Variants in SLC30A8 observed in about 807,000 individuals in gnomAD.
The protein encoded by SLC30A8 is proton-coupled zinc antiporter SLC30A8.
A neutral mutation model predicts 36.9 loss-of-function variants in SLC30A8; 27 were observed. The observed-to-expected ratio is 0.73, with a 90% CI of 0.54 to 1.01. SLC30A8 has a LOEUF of 1.01. SLC30A8 is among the 50% of genes least tolerant of loss of function. The probability of loss-of-function intolerance (pLI) is 0.00; values close to 1 mark genes in which losing one functional copy is unlikely to be tolerated. For synonymous variants in SLC30A8, 164 were observed against 172.4 expected (o/e 0.95, Z 0.38); for missense variants, 439 against 452.0 (o/e 0.97, Z 0.26).
intron 3 of SLC30A8, among the ~76,000 whole-genome samples, chr8:117,154,009 CT>C (rs1822338146): frequency 6.6e-6 from 1 of 152,108 alleles, no homozygotes; most frequent in Non-Finnish European, 1.5e-5. Flanking sequence ...ACATAAATAA[CT>C]TAACCAAGTA....
chr8:117,076,713 C>G (rs1818499566), intron 2 of SLC30A8, among the ~76,000 whole-genome samples: 1 of 151,916 alleles, frequency 6.6e-6, no homozygotes, highest in Non-Finnish European at 1.5e-5. Context: ...TAATCATTAC[C>G]TTATTTATCT....
intron 2 of SLC30A8, among the ~76,000 whole-genome samples, chr8:117,070,798 A>G (rs1241268728): frequency 6.6e-6 from 1 of 152,120 alleles, no homozygotes; most frequent in Non-Finnish European, 1.5e-5. Context: ...TATGAGTTCA[A>G]CTTTGTTAGA....
At chr8:117,071,513 T>G (rs1362554554) in intron 2 of SLC30A8, among the ~76,000 whole-genome samples, 1 of 152,198 alleles carries the variant, frequency 6.6e-6, no homozygotes, top group Non-Finnish European at 1.5e-5. Flanking sequence ...CTCTTCACTG[T>G]GTTAATTGTT....
intron 1 of SLC30A8, among the ~76,000 whole-genome samples, chr8:116,998,450 G>A (rs1310993824): frequency 3.9e-5 from 6 of 152,214 alleles, no homozygotes; most frequent in African/African-American, 7.2e-5. Flanking sequence ...AGCCTTGTGA[G>A]CTGATAAAAT....
intron 3 of SLC30A8, among the ~76,000 whole-genome samples, chr8:117,155,655 A>G (rs1013579933): frequency 6.6e-6 from 1 of 152,180 alleles, no homozygotes; most frequent in Non-Finnish European, 1.5e-5. Flanking sequence ...ACTGGGTAAT[A>G]ATATATTACA....
upstream of SLC30A8, chr8:116,950,269 G>C (rs541997038): frequency 1.8e-3 from 302 of 167,756 alleles, 4 homozygotes; most frequent in African/African-American, 6.7e-3. Flanking sequence ...AGCAAGGGCT[G>C]CGAGGGCTGC....
intron 1 of SLC30A8, among the ~76,000 whole-genome samples, chr8:116,992,169 A>T (rs1303735501): frequency 6.6e-6 from 1 of 152,172 alleles, no homozygotes; most frequent in Non-Finnish European, 1.5e-5. Flanking sequence ...TTCAAAAATA[A>T]CAAGGTGACA....
intron 1 of SLC30A8, among the ~76,000 whole-genome samples, chr8:116,966,343 C>T (rs1196092631): frequency 6.6e-6 from 1 of 152,140 alleles, no homozygotes; most frequent in Non-Finnish European, 1.5e-5. Context: ...AGTTACTTGG[C>T]ATATGCGACC....
chr8:117,034,451 C>T (rs991441756), intron 1 of SLC30A8, among the ~76,000 whole-genome samples: 2 of 152,106 alleles, frequency 1.3e-5, no homozygotes, highest in South Asian at 4.1e-4. Context: ...CTTAGTAAGT[C>T]GTTTCCAAAG....
At chr8:117,059,750 C>T (rs1817975435) in intron 2 of SLC30A8, among the ~76,000 whole-genome samples, 2 of 152,156 alleles carry the variant, frequency 1.3e-5, no homozygotes, top group Admixed American at 1.3e-4. Flanking sequence ...AATGTTGGCA[C>T]TTAATTCCAA....
intron 5 of SLC30A8, 98 bp downstream of exon 5, chr8:117,161,986 G>T: frequency 4.6e-6 from 5 of 1,084,390 alleles, no homozygotes; most frequent in Non-Finnish European, 6.5e-6. Context: ...GGCATCCTCT[G>T]TTTACCTATA....
intron 2 of SLC30A8, among the ~76,000 whole-genome samples, chr8:117,069,424 T>G (rs1250615958): frequency 6.6e-6 from 1 of 152,198 alleles, no homozygotes; most frequent in African/African-American, 2.4e-5. Flanking sequence ...CAGCTGAAAC[T>G]CAAATGATGA....
At position 117,029,500 on chromosome 8, in the gene SLC30A8, G is replaced by C. The variant is rs563557574; in HGVS notation, c.-265-9719G>C. 5.3e-5 allele frequency among the ~76,000 whole-genome samples: 8 copies of C among 152,234 alleles called. No homozygotes were observed. The South Asian group carries it at 1.7e-3, about 32-fold the overall frequency. ...AGAAAGACAACCACAGAAACTATTTGAATAATTTTGACTTGCTTTGAAAAC... is the reference window on the plus strand; with the variant it reads ...AGAAAGACAACCACAGAAACTATTTCAATAATTTTGACTTGCTTTGAAAAC... On this transcript the variant is annotated intron_variant, in intron 1 of 10. Transcript: ENST00000427715.
intron 2 of SLC30A8, among the ~76,000 whole-genome samples, chr8:117,058,290 C>T (rs772512102): frequency 2.0e-5 from 3 of 151,792 alleles, no homozygotes; most frequent in South Asian, 4.2e-4. Flanking sequence ...CATTTTAATC[C>T]CTTATCATAT....
chr8:117,059,299 C>T (rs16889365), intron 2 of SLC30A8, among the ~76,000 whole-genome samples: 49,090 of 152,012 alleles, frequency 0.32, 8,699 homozygotes, highest in African/African-American at 0.48. Context: ...GGGAATGCAT[C>T]GGTAACAGCA....
chr8:116,968,071 G>T (rs947698069), intron 1 of SLC30A8, among the ~76,000 whole-genome samples: 22 of 152,084 alleles, frequency 1.4e-4, no homozygotes, highest in African/African-American at 4.1e-4. Context: ...TAAACGTGAA[G>T]ATTCTTGACG....
intron 2 of SLC30A8, among the ~76,000 whole-genome samples, chr8:117,128,286 A>C (rs1228043342): frequency 6.6e-6 from 1 of 152,094 alleles, no homozygotes; most frequent in Non-Finnish European, 1.5e-5. Flanking sequence ...ACATCTTCCC[A>C]GTCCAGGAGG....
chr8:117,057,805 T>C (rs958913014), intron 2 of SLC30A8, among the ~76,000 whole-genome samples: 3 of 152,190 alleles, frequency 2.0e-5, no homozygotes, highest in Non-Finnish European at 4.4e-5. Flanking sequence ...AGACAGTTGG[T>C]TTGATTTCAT....
At chr8:117,097,862 T>G (rs1471493601) in intron 2 of SLC30A8, among the ~76,000 whole-genome samples, 1 of 38,894 alleles carries the variant, frequency 2.6e-5, no homozygotes, top group Non-Finnish European at 4.9e-5. Context: ...ATATATATAT[T>G]ATATATAATA....
Sources: gnomAD v4.1 joint callset for allele counts (sites outside exome capture counted in the v4.1 genomes callset) on GRCh38, gnomAD v4.1.1 for gene constraint, MANE v1.5 for transcripts, NCBI Gene and HGNC (gene_info 2026-07-23, HGNC 2026-07-21) for gene names.